NUP42: variants seen among roughly 807,000 people sequenced by gnomAD.
The protein encoded by NUP42 is nucleoporin 42, also known as nucleoporin NUP42.
In NUP42, 47 loss-of-function variants were observed where a neutral mutation model predicts 35.9. That is an observed-to-expected ratio of 1.31 (90% CI 1.04 to 1.67). The LOEUF is 1.67. Among genes scored for constraint, NUP42 ranks in the 40% most tolerant of loss-of-function variants. NUP42 has a pLI of 0.00. For missense variants in NUP42, 514 were observed against 492.2 expected, an observed-to-expected ratio of 1.04 and a Z score of -0.42; for synonymous variants, 173 against 173.3, an observed-to-expected ratio of 1.00 and a Z score of 0.01.
intron 3 of NUP42, chr7:23,195,568 G>T: frequency 3.5e-6 from 1 of 285,138 alleles, no homozygotes; most frequent in Non-Finnish European, 6.4e-6. Context: ...GAATATAAAT[G>T]TAGTCAAATC....
chr7:23,200,176 G>A lies in NUP42; in HGVS notation c.703G>A (p.Val235Ile), dbSNP rs758251492. ...GTTGTTGTTGTTTGTAGGCTTTCCAGTCAATAACAGCAGCAGTGATAATGC... is the reference window on the plus strand; with the variant it reads ...GTTGTTGTTGTTTGTAGGCTTTCCAATCAATAACAGCAGCAGTGATAATGC... ...AATFMSPGFP[V>I]NNSSSDNAQN... Residue 235 changes from valine to isoleucine, a missense_variant, in exon 7 of 7, where the codon GTC becomes ATC. Coordinates refer to ENST00000258742, the MANE Select transcript of NUP42 (RefSeq NM_007342.3). 1.3e-6 allele frequency: 2 copies of A among 1,564,840 alleles called. No homozygotes were observed. Among genetic ancestry groups the A allele is most frequent in the South Asian group, 1.2e-5 (1 of 83,352 alleles).
chr7:23,184,973 T>G (rs766504860), intron 1 of NUP42, 97 bp from the exon 2 acceptor site: 15 of 1,011,320 alleles, frequency 1.5e-5, no homozygotes, highest in Non-Finnish European at 2.1e-5. Flanking sequence ...GCCACTGTAC[T>G]CCACCCTGGG....
intron 5 of NUP42, 71 bp from the exon 6 acceptor site, chr7:23,199,387 A>G (rs1786127518): frequency 7.1e-6 from 9 of 1,266,984 alleles, no homozygotes; most frequent in Non-Finnish European, 1.0e-5. Flanking sequence ...ATTTGTCCAT[A>G]AAGTGTATAG....
At chr7:23,182,742 CAAAAA>C (rs60397960) in intron 1 of NUP42, among the ~76,000 whole-genome samples, 14 of 74,138 alleles carry the variant, frequency 1.9e-4, no homozygotes, top group East Asian at 1.1e-3. Flanking sequence ...CTAAAAATAC[CAAAAA>C]AAAAAAAAAA....
intron 1 of NUP42, chr7:23,182,581 GA>G: frequency 2.3e-6 from 2 of 882,294 alleles, no homozygotes; most frequent in Non-Finnish European, 2.8e-6. Flanking sequence ...TCATTTTGGA[GA>G]AGTCGTGGAC....
chr7:23,192,832 A>G (rs1279154420), intron 3 of NUP42, among the ~76,000 whole-genome samples: 2 of 152,100 alleles, frequency 1.3e-5, no homozygotes, highest in African/African-American at 2.4e-5. Context: ...AAGTTGTTCT[A>G]TGTGTGTATA....
chr7:23,182,437 T>G (rs942314480), intron 1 of NUP42: 5 of 1,343,900 alleles, frequency 3.7e-6, no homozygotes, highest in Non-Finnish European at 4.8e-6. Flanking sequence ...GCCTGGATGC[T>G]TGTGCGAAAC....
At position 23,185,034 on chromosome 7, in the gene NUP42, G is replaced by A. The variant is rs372365858; in HGVS notation, c.122-36G>A. The A allele has an allele frequency of 2.2e-5, 34 of 1,520,500 alleles. No individual in the cohort carries two copies. In the African/African-American group the frequency reaches 4.6e-4, roughly 21 times the overall value. The allele number at this position is 1,520,500 out of a possible 1,614,324, so 94.2% of individuals were successfully genotyped here. A position where few individuals can be genotyped will look rare whatever the true frequency, so the allele number is the denominator to read the frequency against. On this transcript the variant is annotated intron_variant, in intron 1 of 6. Coordinates refer to ENST00000258742, the MANE Select transcript of NUP42 (RefSeq NM_007342.3). ...TAAAAAGAAAATAGAAAGAAAAGTT[G>A]CTAGTAAAATTATTTTGTTTTATTG... is the stretch of plus-strand genomic sequence containing the variant.
chr7:23,188,213 T>C (rs1785670964), intron 3 of NUP42: 1 of 1,257,362 alleles, frequency 8.0e-7, no homozygotes, highest in African/African-American at 1.6e-5. Context: ...GCTCATTTTC[T>C]GTGAGCATTT....
At chr7:23,196,970 TGCTTTTTAAAA>T (rs1384619436) in intron 5 of NUP42, among the ~76,000 whole-genome samples, 1 of 152,252 alleles carries the variant, frequency 6.6e-6, no homozygotes, top group East Asian at 1.9e-4. Context: ...GAAATAGTTA[TGCTTTTTAAAA>T]GCTTTTTAGG....
intron 3 of NUP42, among the ~76,000 whole-genome samples, chr7:23,187,763 C>T (rs1369678825): frequency 1.3e-5 from 2 of 151,632 alleles, no homozygotes; most frequent in African/African-American, 2.4e-5. Context: ...CCCGCTACCA[C>T]ACCTGGCTAA....
chr7:23,182,248 G>A (rs749053459), intron 1 of NUP42, 42 bp downstream of exon 1: 1 of 1,564,008 alleles, frequency 6.4e-7, no homozygotes, highest in South Asian at 1.2e-5. Flanking sequence ...GAGCCGGGAA[G>A]GGTCCGCCGG....
chr7:23,199,337 C>G, intron 5 of NUP42, 121 bp from the exon 6 acceptor site: 1 of 753,132 alleles, frequency 1.3e-6, no homozygotes, highest in South Asian at 1.6e-5. Flanking sequence ...CAGGTGTGAG[C>G]CACCACACCC....
chr7:23,187,955 G>T, intron 3 of NUP42: 3 of 584,262 alleles, frequency 5.1e-6, no homozygotes, highest in South Asian at 5.3e-5. Flanking sequence ...TCTCTCTCTG[G>T]CCTGGAATAG....
intron 6 of NUP42, 78 bp from the exon 7 acceptor site, chr7:23,200,090 G>C (rs1024016455): frequency 7.9e-6 from 8 of 1,008,060 alleles, no homozygotes; most frequent in African/African-American, 6.6e-5. Context: ...AAAAAAGATA[G>C]GGGGAGGAAA....
intron 1 of NUP42, among the ~76,000 whole-genome samples, chr7:23,183,131 G>A (rs2128471968): frequency 6.6e-6 from 1 of 152,266 alleles, no homozygotes; most frequent in South Asian, 2.1e-4. Flanking sequence ...TCAAGGAAAG[G>A]AGAGATTAGA....
intron 4 of NUP42, chr7:23,196,155 C>T (rs555326767): frequency 1.7e-4 from 43 of 249,096 alleles, no homozygotes; most frequent in African/African-American, 9.3e-4. Flanking sequence ...AACAGTCAAT[C>T]CCAGAAATGA....
chr7:23,194,185 G>A (rs1785925063), intron 3 of NUP42, among the ~76,000 whole-genome samples: 1 of 152,252 alleles, frequency 6.6e-6, no homozygotes, highest in Non-Finnish European at 1.5e-5. Context: ...CAGTGCAGCG[G>A]TGGGCTGAAG....
chr7:23,193,912 G>C (rs886334119), intron 3 of NUP42, among the ~76,000 whole-genome samples: 3 of 152,274 alleles, frequency 2.0e-5, no homozygotes, highest in African/African-American at 4.8e-5. Context: ...AAGAAATCCA[G>C]CGCAGCGCCG....
Sources: allele counts gnomAD v4.1 joint callset (sites outside exome capture counted in the v4.1 genomes callset), GRCh38; gene constraint gnomAD v4.1.1; transcripts MANE v1.5; gene names NCBI Gene and HGNC (gene_info 2026-07-23, HGNC 2026-07-21).